The following NOX1 variants were observed in gnomAD, a reference collection of about 807,000 sequenced individuals.
NOX1 encodes NADH/NADPH mitogenic oxidase subunit P65-MOX.
Under a neutral mutation model 42.5 loss-of-function variants are expected in NOX1, and 34 were observed. That is an observed-to-expected ratio of 0.80 (90% CI 0.61 to 1.07). NOX1 has a LOEUF of 1.07. Among genes scored for constraint, NOX1 ranks in the 50% least tolerant of loss-of-function variants. NOX1 has a pLI of 0.00. For synonymous variants in NOX1, 143 were observed against 152.5 expected, an observed-to-expected ratio of 0.94 and a Z score of 0.46; for missense variants, 408 against 427.0, an observed-to-expected ratio of 0.96 and a Z score of 0.39.
In NOX1 at chrX:100,851,278, C is replaced by A; in HGVS notation, c.852G>T (p.Arg284Ser). 2.5e-6 allele frequency: 3 copies of A among 1,199,487 alleles called. No individual in the cohort carries two copies. Among genetic ancestry groups the A allele is most frequent in the Non-Finnish European group, 3.4e-6 (3 of 886,935 alleles). The change falls in exon 8 of 13, where the codon AGG becomes AGT. Residue 284 changes from arginine (R) to serine (S), a missense_variant. Physicochemically the swap from Arg to Ser is moderately radical, Grantham distance 110. Coordinates refer to ENST00000372966, the MANE Select transcript of NOX1 (RefSeq NM_007052.5). ...GCTGGGAGCGGTAAAACCGGAGGAT[C>A]CTTTCACAGATATAAAGAATGACCG... Reference protein sequence around the residue: ...LAPVILYICERILRFYRSQQK... With the variant: ...LAPVILYICESILRFYRSQQK...
chrX:100,850,375 G>A lies in NOX1; in HGVS notation c.909C>T (p.His303=). The A allele has an allele frequency of 8.5e-7, 1 of 1,174,970 alleles. No homozygotes were observed. ...TCTGCAATTCCAAAACTTTGGATGGGTGCATAACAACCTGTGAATGAAGCA... is the reference window on the plus strand; with the variant it reads ...TCTGCAATTCCAAAACTTTGGATGGATGCATAACAACCTGTGAATGAAGCA... ...QKVVITKVVM[H]PSKVLELQMN... The change falls in exon 9 of 13, where the codon CAC becomes CAT. Residue 303 remains histidine, a synonymous_variant. Transcript: ENST00000372966.
At chrX:100,849,696 T>C (rs1027627017) in intron 10 of NOX1, 76 bp downstream of exon 10, 2 of 1,017,228 alleles carry the variant, frequency 2.0e-6, no homozygotes, top group Non-Finnish European at 2.7e-6. Context: ...CCTTATCAAT[T>C]GTAAAGAGCT....
Position 100,848,770 on chromosome X carries a change from T to A in NOX1, c.1444-16A>T, listed in dbSNP as rs904446231. 8.3e-7 allele frequency: 1 copy of A among 1,204,918 alleles called. No individual in the cohort carries two copies. The highest frequency in any genetic ancestry group is 1.8e-5 in the African/African-American group (1 of 57,140). ...CATGACCAACCTGGATTCAGAGGAA[T>A]AAAAGTTAGAAAAACCAAGTCCTAG... On this transcript the variant is annotated splice_polypyrimidine_tract_variant and intron_variant, in intron 11 of 12. Coordinates refer to ENST00000372966, the MANE Select transcript of NOX1 (RefSeq NM_007052.5).
At chrX:100,849,624 AG>A in intron 10 of NOX1, 147 bp downstream of exon 10, 1 of 652,865 alleles carries the variant, frequency 1.5e-6, no homozygotes, top group Non-Finnish European at 2.3e-6. Flanking sequence ...AATCTGTAGA[AG>A]TGGATGTCCT....
At chrX:100,855,839 T>G (rs1230209057) in intron 7 of NOX1, 6 of 1,148,016 alleles carry the variant, frequency 5.2e-6, no homozygotes, top group Non-Finnish European at 7.1e-6. Flanking sequence ...TCTCTTGCTT[T>G]GACAGGGCTT....
intron 7 of NOX1, among the ~76,000 whole-genome samples, chrX:100,859,176 T>C (rs907794950): frequency 2.7e-5 from 3 of 112,130 alleles, no homozygotes; most frequent in Non-Finnish European, 5.6e-5. Flanking sequence ...CTTTTGTGTA[T>C]CTACTGAGAT....
Position 100,850,254 on chromosome X carries a change from A to G in NOX1, c.1030T>C (p.Ser344Pro). ...LLEWHPFTLT[S>P]APEEDFFSIH... ...GAGAAGAAATCTTCCTCTGGAGCAG[A>G]GGTCAAAGTAAAAGGATGCCATTCC... The change falls in exon 9 of 13, where the codon TCT (serine) becomes CCT (proline). Residue 344 changes from serine to proline, a missense_variant. By Grantham distance (74) the Ser-to-Pro change is moderately conservative. Coordinates refer to ENST00000372966, the MANE Select transcript of NOX1 (RefSeq NM_007052.5). 1 of 1,210,572 alleles carries G rather than the reference A, an allele frequency of 8.3e-7. No homozygotes were observed. Among genetic ancestry groups the G allele is most frequent in the Non-Finnish European group, 1.1e-6 (1 of 894,354 alleles).
intron 7 of NOX1, among the ~76,000 whole-genome samples, chrX:100,853,324 C>CTTTCTTTCTTTCTTTCTTTCTTTCTT (rs2085138650): frequency 4.4e-4 from 9 of 20,408 alleles, no homozygotes; most frequent in Non-Finnish European, 8.0e-4. Flanking sequence ...CTTTCTTTCT[C>CTTTCTTTCTTTCTTTCTTTCTTTCTT]TCTCTTTCTC....
At chrX:100,866,840 T>C (rs1213075769) in intron 2 of NOX1, among the ~76,000 whole-genome samples, 2 of 109,976 alleles carry the variant, frequency 1.8e-5, no homozygotes, top group African/African-American at 6.6e-5. Context: ...GATAGGTAAC[T>C]AAAAACCCAG....
intron 2 of NOX1, 108 bp from the exon 3 acceptor site, chrX:100,863,703 A>T: frequency 3.7e-6 from 4 of 1,075,609 alleles, no homozygotes; most frequent in Non-Finnish European, 3.7e-6. Context: ...ACAGGGCTAC[A>T]GCTGCCTCTC....
intron 7 of NOX1, among the ~76,000 whole-genome samples, chrX:100,853,296 T>TTCTCTTTC (rs764385712): frequency 3.1e-5 from 2 of 63,866 alleles, no homozygotes; most frequent in East Asian, 7.2e-4. Context: ...CTTTCTTTCT[T>TTCTCTTTC]TCTTTCTTTC....
chrX:100,855,430 C>T (rs2085159751), intron 7 of NOX1: 3 of 696,787 alleles, frequency 4.3e-6, no homozygotes, highest in Admixed American at 4.4e-5. Flanking sequence ...TTCATGGGTC[C>T]AAAATTTGAA....
In NOX1 at chrX:100,862,810, G is replaced by C; in HGVS notation, c.348C>G (p.Ile116Met). The C allele has an allele frequency of 4.2e-6, 5 of 1,197,767 alleles. No homozygotes were observed. The highest frequency in any genetic ancestry group is 5.6e-6 in the Non-Finnish European group (5 of 890,220). ...YMICLHTAIH[I>M]IAHLFNFDCY... ...AGTCAAAGTTAAACAGGTGTGCAAT[G>C]ATGTGAATAGCTAAATGGAAAGATG... The change falls in exon 5 of 13, where the codon ATC (isoleucine) becomes ATG (methionine). Residue 116 changes from isoleucine (I) to methionine (M), a missense_variant. Physicochemically the swap from Ile to Met is conservative, Grantham distance 10. Transcript: ENST00000372966.
At chrX:100,866,535 AGGAT>A (rs1275835948) in intron 2 of NOX1, among the ~76,000 whole-genome samples, 1 of 104,434 alleles carries the variant, frequency 9.6e-6, no homozygotes, top group African/African-American at 3.5e-5. Context: ...TCTGGGGAGT[AGGAT>A]GGGAGGGAGA....
chrX:100,848,629 C>T lies in NOX1; in HGVS notation c.1568+1G>A, dbSNP rs1332363021. The T allele has an allele frequency of 7.5e-6, 9 of 1,207,559 alleles. No individual in the cohort carries two copies. The highest frequency in any genetic ancestry group is 1.0e-5 in the Non-Finnish European group (9 of 892,723). ...ATCTTACTAGAGGAAAATATACTTA[C>T]TTGGGGTGGGAGGTAGCTATTGTAG... On this transcript the variant is annotated splice_donor_variant, in intron 12 of 12. Coordinates refer to ENST00000372966, the MANE Select transcript of NOX1 (RefSeq NM_007052.5). LOFTEE classifies it high-confidence loss of function.
chrX:100,844,502 G>A (rs985945736), intron 12 of NOX1, among the ~76,000 whole-genome samples: 4 of 111,357 alleles, frequency 3.6e-5, no homozygotes, highest in African/African-American at 1.3e-4. Flanking sequence ...GCACAATCTC[G>A]GTTCACTGCA....
intron 7 of NOX1, among the ~76,000 whole-genome samples, chrX:100,853,249 CCTTCCTTCCTTCCTTTCTTTCTTT>C (rs1305249917): frequency 0.045 from 2,359 of 52,342 alleles, 143 homozygotes; most frequent in African/African-American, 0.059. Context: ...TTCTTTCCTT[CCTTCCTTCCTTCCTTTCTTTCTTT>C]CTTTCTTTCT....
chrX:100,868,254 G>C, intron 2 of NOX1, among the ~76,000 whole-genome samples: 1 of 111,896 alleles, frequency 8.9e-6, no homozygotes, highest in Non-Finnish European at 1.9e-5. Flanking sequence ...TATGGAGAGA[G>C]AAAAAAGCAT....
intron 12 of NOX1, among the ~76,000 whole-genome samples, chrX:100,846,398 T>C (rs780611721): frequency 8.9e-6 from 1 of 112,175 alleles, no homozygotes; most frequent in Non-Finnish European, 1.9e-5. Context: ...GTATTTATTT[T>C]ATTTTATGTA....
Sources: gnomAD v4.1 joint callset for allele counts (sites outside exome capture counted in the v4.1 genomes callset) on GRCh38, gnomAD v4.1.1 for gene constraint, MANE v1.5 for transcripts, NCBI Gene and HGNC (gene_info 2026-07-23, HGNC 2026-07-21) for gene names.